Variants in B4GALT1 observed in about 807,000 individuals in gnomAD.
The protein encoded by B4GALT1 is beta-1,4-galactosyltransferase 1, also known as N-acetyllactosamine synthase.
Under a neutral mutation model 34.9 loss-of-function variants are expected in B4GALT1, and 16 were observed. The ratio of observed to expected loss-of-function variants is 0.46; its 90% CI spans 0.31 to 0.70. The LOEUF (loss-of-function observed/expected upper bound fraction) is 0.70. B4GALT1 is among the 30% of genes least tolerant of loss of function. The pLI is 0.05. For missense variants in B4GALT1, 445 were observed against 530.5 expected (o/e 0.84, Z 1.58); for synonymous variants, 221 against 218.1 (o/e 1.01, Z -0.12).
At position 33,116,256 on chromosome 9, in the gene B4GALT1, G is replaced by A. The variant is rs577480542; in HGVS notation, c.837-143C>T. On this transcript the variant is annotated intron_variant, in intron 3 of 5. Coordinates refer to ENST00000379731, the MANE Select transcript of B4GALT1 (RefSeq NM_001497.4). ...TTTTTATTTATTTTTTTTTTGAGAC[G>A]TAGTCTTGCTCTGTTGCCAGGCTGG... The A allele has an allele frequency of 2.2e-5, 24 of 1,098,434 alleles. No homozygotes were observed. In the East Asian group the frequency reaches 5.9e-4, roughly 27 times the overall value. The allele number at this position is 1,098,434 out of a possible 1,614,324, so 68.0% of individuals were successfully genotyped here. A position where few individuals can be genotyped will look rare whatever the true frequency, so the allele number is the denominator to read the frequency against.
intron 3 of B4GALT1, among the ~76,000 whole-genome samples, chr9:33,116,540 T>TTG (rs34302260): frequency 6.9e-6 from 1 of 144,870 alleles, no homozygotes; most frequent in Non-Finnish European, 1.5e-5. Context: ...TTTTTTTTTT[T>TTG]GAAGGAGTCT....
chr9:33,183,063 G>A, the B4GALT1 span, among the ~76,000 whole-genome samples: 1 of 152,030 alleles, frequency 6.6e-6, no homozygotes, highest in Non-Finnish European at 1.5e-5. Flanking sequence ...GTTAACCGTG[G>A]CCTAAAAATA....
chr9:33,143,717 C>A (rs1372220367), intron 1 of B4GALT1, among the ~76,000 whole-genome samples: 1 of 152,170 alleles, frequency 6.6e-6, no homozygotes, highest in Non-Finnish European at 1.5e-5. Context: ...ACTACCACTT[C>A]CCTCCCACCC....
At chr9:33,172,009 C>G (rs774054675), upstream of B4GALT1, among the ~76,000 whole-genome samples, 1 of 152,240 alleles carries the variant, frequency 6.6e-6, no homozygotes, top group East Asian at 1.9e-4. Context: ...CTAATTAAGA[C>G]TTCAGGTCCA....
intron 2 of B4GALT1, among the ~76,000 whole-genome samples, chr9:33,129,129 G>A (rs922513119): frequency 6.6e-6 from 1 of 152,080 alleles, no homozygotes; most frequent in Non-Finnish European, 1.5e-5. Flanking sequence ...GTGCTTACCT[G>A]TGGAGCCTTC....
At chr9:33,115,661 G>T (rs1021124814) in intron 4 of B4GALT1, among the ~76,000 whole-genome samples, 3 of 152,218 alleles carry the variant, frequency 2.0e-5, no homozygotes, top group African/African-American at 4.8e-5. Context: ...CACAGTGAAA[G>T]GGGACCATAA....
Position 33,166,840 on chromosome 9 carries a change from G to C in B4GALT1, c.330C>G (p.Pro110=). The change falls in exon 1 of 6, where the codon CCC becomes CCG. Residue 110 remains proline, a synonymous_variant. Transcript: ENST00000379731. ...CTGGGACCGAGGTCAAGTTGCTAGC[G>C]GGGCCAGGGCCAGAATCCACGACTG... is the stretch of plus-strand genomic sequence containing the variant. The part of the protein sequence containing the change: ...SSPVVDSGPG[P]ASNLTSVPVP... 6.4e-7 allele frequency: 1 copy of C among 1,557,000 alleles called. No homozygotes were observed. Among genetic ancestry groups the C allele is most frequent in the South Asian group, 1.2e-5 (1 of 84,346 alleles).
upstream of B4GALT1, among the ~76,000 whole-genome samples, chr9:33,171,415 C>A (rs1341679699): frequency 6.6e-6 from 1 of 152,108 alleles, no homozygotes; most frequent in Non-Finnish European, 1.5e-5. Flanking sequence ...GGAAGCATTC[C>A]AAAAAGGAGC....
At chr9:33,126,146 G>A (rs548792254) in intron 2 of B4GALT1, among the ~76,000 whole-genome samples, 1 of 152,324 alleles carries the variant, frequency 6.6e-6, no homozygotes, top group African/African-American at 2.4e-5. Context: ...TGCAGCCAGT[G>A]GCAATGTTTG....
intron 1 of B4GALT1, among the ~76,000 whole-genome samples, chr9:33,160,487 C>G (rs1180781789): frequency 6.6e-6 from 1 of 152,190 alleles, no homozygotes; most frequent in Non-Finnish European, 1.5e-5. Context: ...AGCTATAACA[C>G]TGGGTGTGGT....
At chr9:33,172,289 A>G (rs565602179), upstream of B4GALT1, among the ~76,000 whole-genome samples, 13 of 152,090 alleles carry the variant, frequency 8.5e-5, no homozygotes, top group Non-Finnish European at 1.5e-4. Context: ...TGAGATTAGT[A>G]AGTAACTGGT....
chr9:33,184,253 T>TACACACAC, the B4GALT1 span, among the ~76,000 whole-genome samples: 17,530 of 146,998 alleles, frequency 0.12, 1,122 homozygotes, highest in East Asian at 0.27. Context: ...GTCACTCTTG[T>TACACACAC]ACACACACAC....
chr9:33,154,432 A>G (rs965366688), intron 1 of B4GALT1, among the ~76,000 whole-genome samples: 1 of 152,206 alleles, frequency 6.6e-6, no homozygotes, highest in African/African-American at 2.4e-5. Context: ...AACAAGACAC[A>G]TATGTTGTCT....
chr9:33,167,291 G>C lies in B4GALT1; in HGVS notation c.-122C>G, dbSNP rs1840780428. ...GGGAGGGCCCGGAGCGGGGGCGGGC[G>C]AGCGGCTGAGAGCTGAGACTCCTCC... On this transcript the variant is annotated 5_prime_UTR_variant, in exon 1 of 6. Coordinates refer to ENST00000379731, the MANE Select transcript of B4GALT1 (RefSeq NM_001497.4). The C allele has an allele frequency of 1.6e-6, 2 of 1,262,914 alleles. No homozygotes were observed. The highest frequency in any genetic ancestry group is 3.4e-5 in the South Asian group (2 of 58,128). 78.2% of individuals were successfully genotyped at this position (1,262,914 alleles called of 1,614,324 possible).
chr9:33,104,871 G>A, intron 2 of B4GALT1: 1 of 412,476 alleles, frequency 2.4e-6, no homozygotes, highest in South Asian at 1.8e-5. Flanking sequence ...AGGCTGGAGT[G>A]CAGTGACGTG....
chr9:33,121,127 C>G (rs939206555), intron 2 of B4GALT1, among the ~76,000 whole-genome samples: 2 of 152,178 alleles, frequency 1.3e-5, no homozygotes, highest in African/African-American at 4.8e-5. Flanking sequence ...GTTTGATGAC[C>G]ACATTGTGTG....
chr9:33,149,837 C>T (rs1460206088), intron 1 of B4GALT1, among the ~76,000 whole-genome samples: 2 of 152,164 alleles, frequency 1.3e-5, no homozygotes, highest in East Asian at 1.9e-4. Context: ...AATAACTGGC[C>T]TGTACTCTTC....
chr9:33,175,617 T>G, the B4GALT1 span, among the ~76,000 whole-genome samples: 1 of 152,236 alleles, frequency 6.6e-6, no homozygotes, highest in African/African-American at 2.4e-5. Flanking sequence ...TTTTTATATT[T>G]TACAGTGTAT....
chr9:33,128,655 C>A (rs1385831824), intron 2 of B4GALT1, among the ~76,000 whole-genome samples: 1 of 152,190 alleles, frequency 6.6e-6, no homozygotes, highest in Non-Finnish European at 1.5e-5. Context: ...ACCAGCCCTA[C>A]CCCACTCCTC....
Sources: gnomAD v4.1 joint callset for allele counts (sites outside exome capture counted in the v4.1 genomes callset) on GRCh38, gnomAD v4.1.1 for gene constraint, MANE v1.5 for transcripts, NCBI Gene and HGNC (gene_info 2026-07-23, HGNC 2026-07-21) for gene names.